ACIN1: variants seen among roughly 807,000 people sequenced by gnomAD.
ACIN1 encodes apoptotic chromatin condensation inducer 1, also known as apoptotic chromatin condensation inducer in the nucleus.
ACIN1 carries 16 observed loss-of-function variants against 146.6 expected under a neutral mutation model. That is an observed-to-expected ratio of 0.11 (90% CI 0.07 to 0.17). ACIN1 has a LOEUF of 0.17. ACIN1 is among the 10% of genes least tolerant of loss of function. The probability of loss-of-function intolerance (pLI) is 1.00; values close to 1 mark genes in which losing one functional copy is unlikely to be tolerated. For synonymous variants in ACIN1, 569 were observed against 582.7 expected (o/e 0.98, Z 0.34); for missense variants, 1,357 against 1,609.3 (o/e 0.84, Z 2.68).
intron 8 of ACIN1, among the ~76,000 whole-genome samples, chr14:23,069,944 C>G (rs2047579454): frequency 6.6e-6 from 1 of 152,048 alleles, no homozygotes; most frequent in Non-Finnish European, 1.5e-5. Context: ...GGAGAAAAAC[C>G]CTCCTCTGAA....
intron 8 of ACIN1, among the ~76,000 whole-genome samples, chr14:23,072,942 T>C (rs960370517): frequency 6.6e-6 from 1 of 152,246 alleles, no homozygotes; most frequent in Admixed American, 6.5e-5. Context: ...AAAGTGGGCA[T>C]AGTGACAATA....
Position 23,067,979 on chromosome 14 carries a change from T to G in ACIN1, c.2265+1497A>C. The G allele has an allele frequency of 1.0e-6, 1 of 985,848 alleles. No individual in the cohort carries two copies. The highest frequency in any genetic ancestry group is 1.2e-6 in the Non-Finnish European group (1 of 829,944). 61.1% of individuals were successfully genotyped at this position (985,848 alleles called of 1,614,324 possible). On this transcript the variant is annotated intron_variant, in intron 9 of 18. Transcript: ENST00000605057. The surrounding 1 kb of genome is among the most constrained non-coding windows in gnomAD (Gnocchi z 4.6). ...CAGGGACTCCAGCTGAGACAGTGGT[T>G]CCAGTCAGGTGGATGAAATGAGTCC...
In ACIN1 at chr14:23,079,675, T is replaced by C; in HGVS notation, c.1660A>G (p.Arg554Gly). Reference protein sequence around the residue: ...RSHSPLRSKQRDVAQARTHAN... With the variant: ...RSHSPLRSKQGDVAQARTHAN... ...TGAGTACGTGCCTGGGCTACATCTCTCTGCTTGGATCTGAGCGGTGAATGA... is the reference window on the plus strand; with the variant it reads ...TGAGTACGTGCCTGGGCTACATCTCCCTGCTTGGATCTGAGCGGTGAATGA... The change falls in exon 6 of 19, where the codon AGA becomes GGA. Residue 554 changes from arginine to glycine, a missense_variant. Transcript: ENST00000605057. 1 of 1,614,162 alleles carries C rather than the reference T, an allele frequency of 6.2e-7. No homozygotes were observed. The highest frequency in any genetic ancestry group is 8.5e-7 in the Non-Finnish European group (1 of 1,180,028).
In ACIN1 at chr14:23,062,526, G is replaced by A; in HGVS notation, c.2884-3C>T. 6.2e-7 allele frequency: 1 copy of A among 1,613,760 alleles called. No homozygotes were observed. The highest frequency in any genetic ancestry group is 8.5e-7 in the Non-Finnish European group (1 of 1,179,654). On this transcript the variant is annotated splice_polypyrimidine_tract_variant and splice_region_variant and intron_variant, in intron 14 of 18. Transcript: ENST00000605057. ...TGGCCTAAAGTGAAAGGACGGACCT[G>A]CCAATGAAAATAGACTTTCAGGGTC...
intron 1 of ACIN1, chr14:23,094,521 C>G: frequency 1.0e-6 from 1 of 985,314 alleles, no homozygotes; most frequent in Non-Finnish European, 1.2e-6. Context: ...AGACATTTTA[C>G]CCTACCCCAG....
In ACIN1 at chr14:23,061,125, C is replaced by T. The variant is rs2047266468; in HGVS notation, c.3484G>A (p.Ala1162Thr). The change falls in exon 18 of 19, where the codon GCA (alanine) becomes ACA (threonine). Residue 1162 changes from alanine (A) to threonine (T), a missense_variant. This residue lies in a region of ACIN1 where 509 missense variants were observed against 719.6 expected (regional missense o/e 0.71). Transcript: ENST00000605057. ...LLDDLFRKTK[A>T]APCIYWLPLT... ...GGGAGCCAATAGATGCAGGGAGCTG[C>T]CTTGGTCTTTCGGAAAAGGTCATCC... 5.6e-6 allele frequency: 9 copies of T among 1,614,138 alleles called. No individual in the cohort carries two copies. The highest frequency in any genetic ancestry group is 7.6e-6 in the Non-Finnish European group (9 of 1,180,022).
Position 23,069,647 on chromosome 14 carries a change from G to A in ACIN1, c.2124-30C>T, listed in dbSNP as rs769231938. 26 of 705,998 alleles carry A rather than the reference G, an allele frequency of 3.7e-5. 3 individuals are homozygous for A. The East Asian group carries it at 5.9e-4, about 16-fold the overall frequency. The allele number at this position is 705,998 out of a possible 1,614,324, so 43.7% of individuals were successfully genotyped here. Reference sequence around the variant, plus strand: ...CAGGAGGGGGGAGTGGTGGTGGGGGGGCGGGCAGAAAAGAACCAAGGGGAA... The same window carrying A: ...CAGGAGGGGGGAGTGGTGGTGGGGGAGCGGGCAGAAAAGAACCAAGGGGAA... On this transcript the variant is annotated intron_variant, in intron 8 of 18. Transcript: ENST00000605057.
intron 2 of ACIN1, among the ~76,000 whole-genome samples, chr14:23,091,324 C>T (rs2048220156): frequency 6.6e-6 from 1 of 152,014 alleles, no homozygotes; most frequent in South Asian, 2.1e-4. Context: ...AAGACTGAAA[C>T]ATGGGGGCTC....
intron 8 of ACIN1, chr14:23,071,541 A>T (rs2047655184): frequency 1.9e-6 from 3 of 1,551,060 alleles, no homozygotes; most frequent in East Asian, 2.4e-5. Context: ...AGCCGGAGAC[A>T]TGCAGGGGAG....
chr14:23,068,412 G>A lies in ACIN1; in HGVS notation c.2265+1064C>T, dbSNP rs1594753076. 2.0e-6 allele frequency: 2 copies of A among 985,888 alleles called. No individual in the cohort carries two copies. Among genetic ancestry groups the A allele is most frequent in the Non-Finnish European group, 2.4e-6 (2 of 829,950 alleles). The allele number at this position is 985,888 out of a possible 1,614,324, so 61.1% of individuals were successfully genotyped here. A position where few individuals can be genotyped will look rare whatever the true frequency, so the allele number is the denominator to read the frequency against. ...GATGCAAGTCCACCCCTTTCCAAAT[G>A]TTTTTTGCTTGCTCAATACAAGTCT... On this transcript the variant is annotated intron_variant, in intron 9 of 18. Coordinates refer to ENST00000605057, the MANE Select transcript of ACIN1 (RefSeq NM_001386863.1). The surrounding 1 kb of genome is among the most constrained non-coding windows in gnomAD (Gnocchi z 4.3).
chr14:23,083,117 G>C (rs1594777494), intron 4 of ACIN1, among the ~76,000 whole-genome samples: 3 of 151,800 alleles, frequency 2.0e-5, no homozygotes, highest in African/African-American at 7.3e-5. Context: ...AGGTTATCCT[G>C]AACAATAAAT....
chr14:23,071,370 T>C (rs868499403), intron 8 of ACIN1: 13 of 1,536,526 alleles, frequency 8.5e-6, no homozygotes, highest in Middle Eastern at 3.4e-4. Flanking sequence ...GAGGTGGTGG[T>C]GGTGCGGGGA....
chr14:23,062,333 G>A, intron 15 of ACIN1, 58 bp from the exon 16 acceptor site: 2 of 1,595,634 alleles, frequency 1.3e-6, no homozygotes, highest in East Asian at 2.2e-5. Flanking sequence ...CTTCCCACGT[G>A]CTGCAACACC....
intron 7 of ACIN1, 65 bp from the exon 8 acceptor site, chr14:23,078,331 A>G: frequency 6.8e-7 from 1 of 1,470,288 alleles, no homozygotes; most frequent in South Asian, 1.1e-5. Context: ...CTTTTCTTCT[A>G]CCTGGAGCCT....
intron 2 of ACIN1, among the ~76,000 whole-genome samples, chr14:23,092,568 C>T (rs921493935): frequency 6.6e-6 from 1 of 152,150 alleles, no homozygotes; most frequent in African/African-American, 2.4e-5. Flanking sequence ...TCTTGTTTTC[C>T]ACAGTATCCT....
chr14:23,069,641 T>TGGGGGGGGGGGGGGGGGG, intron 8 of ACIN1, 24 bp from the exon 9 acceptor site: 12 of 309,194 alleles, frequency 3.9e-5, no homozygotes, highest in East Asian at 7.1e-5. Flanking sequence ...GGAGTGGTGG[T>TGGGGGGGGGGGGGGGGGG]GGGGGGGCGG....
chr14:23,063,886 CA>C (rs2047368849), intron 12 of ACIN1, among the ~76,000 whole-genome samples: 1 of 152,208 alleles, frequency 6.6e-6, no homozygotes, highest in Non-Finnish European at 1.5e-5. Context: ...CAGCCACAGA[CA>C]AAAGTGAATG....
In ACIN1 at chr14:23,061,012, C is replaced by G; in HGVS notation, c.3525+72G>C. The G allele has an allele frequency of 3.5e-6, 5 of 1,435,050 alleles. No individual in the cohort carries two copies. In the South Asian group the frequency reaches 5.8e-5, roughly 17 times the overall value. 88.9% of individuals were successfully genotyped at this position (1,435,050 alleles called of 1,614,324 possible). A position where few individuals can be genotyped will look rare whatever the true frequency, so the allele number is the denominator to read the frequency against. The stretch of plus-strand genomic sequence containing the variant: ...TTGGGCCGACTCACTCTCGCAGTCA[C>G]ATGAATCTCCCCTCACCCTGACCTC... On this transcript the variant is annotated intron_variant, in intron 18 of 18. Coordinates refer to ENST00000605057, the MANE Select transcript of ACIN1 (RefSeq NM_001386863.1).
chr14:23,084,653 A>T (rs1232608779), intron 4 of ACIN1, among the ~76,000 whole-genome samples: 1 of 152,004 alleles, frequency 6.6e-6, no homozygotes, highest in African/African-American at 2.4e-5. Flanking sequence ...AAACTAATGA[A>T]ATCAATTAGA....
Sources: allele counts gnomAD v4.1 joint callset (sites outside exome capture counted in the v4.1 genomes callset), GRCh38; gene constraint gnomAD v4.1.1; regional missense constraint gnomAD v4.1.1; non-coding constraint Gnocchi (gnomAD v3.1); transcripts MANE v1.5; gene names NCBI Gene and HGNC (gene_info 2026-07-23, HGNC 2026-07-21).